The following UNC13C variants were observed in gnomAD, a reference collection of about 807,000 sequenced individuals.
The protein encoded by UNC13C is protein unc-13 homolog C.
UNC13C carries 174 observed loss-of-function variants against 245.4 expected under a neutral mutation model. The ratio of observed to expected loss-of-function variants is 0.71; its 90% CI spans 0.63 to 0.80. The LOEUF (loss-of-function observed/expected upper bound fraction) is 0.80, where lower values mean the gene tolerates loss of function less well. Ranked by LOEUF, UNC13C falls within the 30% of genes least tolerant of loss-of-function variation. UNC13C has a pLI of 0.00. For missense variants in UNC13C, 2,829 were observed against 2,602.9 expected, an observed-to-expected ratio of 1.09 and a Z score of -1.89; for synonymous variants, 992 against 895.1, an observed-to-expected ratio of 1.11 and a Z score of -1.93.
chr15:54,625,288 GAT>G (rs10535274), intron 32 of UNC13C, among the ~76,000 whole-genome samples: 151,967 of 152,048 alleles, frequency 1, 75,943 homozygotes, highest in Middle Eastern at 1. Context: ...ACCCTACTGA[GAT>G]ATAGTCCCAA....
At chr15:54,449,520 T>A (rs1891043955) in intron 19 of UNC13C, among the ~76,000 whole-genome samples, 1 of 152,234 alleles carries the variant, frequency 6.6e-6, no homozygotes, top group Non-Finnish European at 1.5e-5. Context: ...TTCATTTAAT[T>A]CATTTGATAT....
chr15:54,080,766 C>A (rs2141117208), intron 2 of UNC13C, among the ~76,000 whole-genome samples: 1 of 152,002 alleles, frequency 6.6e-6, no homozygotes, highest in Non-Finnish European at 1.5e-5. Context: ...TTCAAATAAC[C>A]AACTTTTTGT....
chr15:54,551,627 C>A (rs1048463561), intron 28 of UNC13C, among the ~76,000 whole-genome samples: 1 of 152,054 alleles, frequency 6.6e-6, no homozygotes, highest in East Asian at 1.9e-4. Flanking sequence ...CCTAAAAGCA[C>A]ACTATAAATA....
chr15:54,336,911 C>T (rs558722295), intron 16 of UNC13C, among the ~76,000 whole-genome samples: 1 of 152,212 alleles, frequency 6.6e-6, no homozygotes, highest in African/African-American at 2.4e-5. Context: ...CATCCCACCT[C>T]GTTTCTTCAT....
At chr15:54,164,180 A>C (rs1392645179) in intron 4 of UNC13C, among the ~76,000 whole-genome samples, 1 of 152,210 alleles carries the variant, frequency 6.6e-6, no homozygotes, top group Admixed American at 6.5e-5. Context: ...TAGCTAGCTA[A>C]AGGTAATTAC....
At chr15:54,449,351 A>G (rs897771820) in intron 19 of UNC13C, among the ~76,000 whole-genome samples, 1 of 152,120 alleles carries the variant, frequency 6.6e-6, no homozygotes, top group Non-Finnish European at 1.5e-5. Flanking sequence ...GTTCTCCCGG[A>G]TAATATCCTG....
chr15:54,620,183 T>A (rs192586883), intron 30 of UNC13C, among the ~76,000 whole-genome samples: 9 of 152,266 alleles, frequency 5.9e-5, no homozygotes, highest in Admixed American at 3.9e-4. Context: ...AGAAAAGTGT[T>A]CAGGCACTGC....
At chr15:54,598,485 C>G (rs1040579816) in intron 30 of UNC13C, among the ~76,000 whole-genome samples, 1 of 152,092 alleles carries the variant, frequency 6.6e-6, no homozygotes, top group South Asian at 2.1e-4. Flanking sequence ...AGAGATAGTT[C>G]GATGCTCTCC....
At chr15:54,410,501 G>C (rs1383845339) in intron 18 of UNC13C, among the ~76,000 whole-genome samples, 1 of 151,858 alleles carries the variant, frequency 6.6e-6, no homozygotes, top group East Asian at 1.9e-4. Flanking sequence ...ATAGTTTCCA[G>C]TTTTACATTG....
chr15:53,877,133 G>A, the UNC13C span, among the ~76,000 whole-genome samples: 1 of 152,188 alleles, frequency 6.6e-6, no homozygotes, highest in Admixed American at 6.5e-5. Flanking sequence ...ATAGCAAGTT[G>A]TCAAGAAAAG....
chr15:53,967,683 T>A, the UNC13C span, among the ~76,000 whole-genome samples: 38 of 152,286 alleles, frequency 2.5e-4, no homozygotes, highest in Admixed American at 2.4e-3. Context: ...CAGCTCACCA[T>A]GTGATTAAGG....
chr15:54,516,127 T>C (rs1894963346), intron 24 of UNC13C, among the ~76,000 whole-genome samples: 1 of 152,176 alleles, frequency 6.6e-6, no homozygotes, highest in South Asian at 2.1e-4. Flanking sequence ...CTCATTGAAA[T>C]TCATTGTAAT....
the UNC13C span, among the ~76,000 whole-genome samples, chr15:53,886,200 C>A: frequency 6.6e-6 from 1 of 152,218 alleles, no homozygotes; most frequent in Non-Finnish European, 1.5e-5. Context: ...ACACCCAATC[C>A]TGGTTTCTAA....
chr15:53,863,610 T>C, the UNC13C span, among the ~76,000 whole-genome samples: 1 of 152,194 alleles, frequency 6.6e-6, no homozygotes, highest in Non-Finnish European at 1.5e-5. Context: ...AATCATTCAA[T>C]AGACTAGTAT....
chr15:53,876,953 A>G, the UNC13C span, among the ~76,000 whole-genome samples: 1 of 152,194 alleles, frequency 6.6e-6, no homozygotes, highest in Non-Finnish European at 1.5e-5. Context: ...AGAGTAAATC[A>G]CGGCATTTCT....
chr15:54,610,032 T>G (rs183194985), intron 30 of UNC13C, among the ~76,000 whole-genome samples: 76 of 152,054 alleles, frequency 5.0e-4, no homozygotes, highest in Non-Finnish European at 9.6e-4. Flanking sequence ...TCCAATGACA[T>G]GGGGAGATTA....
chr15:54,024,358 C>T (rs1030809247), intron 2 of UNC13C, among the ~76,000 whole-genome samples: 4 of 152,126 alleles, frequency 2.6e-5, no homozygotes, highest in Non-Finnish European at 5.9e-5. Flanking sequence ...ACCTAGTTAC[C>T]TAAACTAAGA....
intron 2 of UNC13C, among the ~76,000 whole-genome samples, chr15:54,110,981 A>C (rs1254098745): frequency 6.6e-6 from 1 of 152,236 alleles, no homozygotes; most frequent in Non-Finnish European, 1.5e-5. Context: ...ATGATCCAAA[A>C]GTTAGCCCCA....
intron 1 of UNC13C, among the ~76,000 whole-genome samples, chr15:53,988,272 A>G (rs897005874): frequency 6.6e-6 from 1 of 152,036 alleles, no homozygotes; most frequent in African/African-American, 2.4e-5. Flanking sequence ...GCAGTTTCCT[A>G]TGTTTGACAT....
Sources: allele counts gnomAD v4.1 joint callset (sites outside exome capture counted in the v4.1 genomes callset), GRCh38; gene constraint gnomAD v4.1.1; transcripts MANE v1.5; gene names NCBI Gene and HGNC (gene_info 2026-07-23, HGNC 2026-07-21).